The following SPATS2L variants were observed in gnomAD, a reference collection of about 807,000 sequenced individuals.
SPATS2L encodes SPATS2-like protein.
SPATS2L carries 30 observed loss-of-function variants against 59.6 expected under a neutral mutation model. The observed-to-expected ratio is 0.50, with a 90% CI of 0.38 to 0.68. SPATS2L has a LOEUF of 0.68. SPATS2L is among the 30% of genes least tolerant of loss of function. The pLI is 0.00. For missense variants in SPATS2L, 615 were observed against 700.0 expected, an observed-to-expected ratio of 0.88 and a Z score of 1.37; for synonymous variants, 252 against 263.5, an observed-to-expected ratio of 0.96 and a Z score of 0.42.
intron 6 of SPATS2L, among the ~76,000 whole-genome samples, chr2:200,427,996 G>C (rs745986753): frequency 2.0e-5 from 3 of 151,974 alleles, no homozygotes; most frequent in Non-Finnish European, 4.4e-5. Context: ...CACTTGAGCT[G>C]GGGGTCGAGG....
intron 1 of SPATS2L, among the ~76,000 whole-genome samples, chr2:200,324,672 A>G (rs1372121412): frequency 3.3e-5 from 5 of 152,218 alleles, no homozygotes; most frequent in East Asian, 3.8e-4. Flanking sequence ...CTGAAGATGC[A>G]GTGAATTTTT....
chr2:200,331,311 A>G (rs2079935581), intron 2 of SPATS2L, among the ~76,000 whole-genome samples: 1 of 152,202 alleles, frequency 6.6e-6, no homozygotes, highest in East Asian at 1.9e-4. Flanking sequence ...AGTTCTAATG[A>G]CTAATTTGGG....
At chr2:200,476,338 A>G (rs1248195457) in intron 12 of SPATS2L, among the ~76,000 whole-genome samples, 2 of 152,142 alleles carry the variant, frequency 1.3e-5, no homozygotes, top group Non-Finnish European at 2.9e-5. Context: ...TCACCCCTAT[A>G]TTTGTCCAAG....
At chr2:200,429,396 C>T (rs893830611) in intron 6 of SPATS2L, among the ~76,000 whole-genome samples, 1 of 152,124 alleles carries the variant, frequency 6.6e-6, no homozygotes, top group Admixed American at 6.5e-5. Context: ...CTAGGGGAGG[C>T]CCCCAAGCCA....
chr2:200,327,860 GCACA>G (rs3036483), intron 1 of SPATS2L, among the ~76,000 whole-genome samples: 18 of 150,510 alleles, frequency 1.2e-4, no homozygotes, highest in African/African-American at 1.7e-4. Flanking sequence ...GCGTGTGCGG[GCACA>G]CACACACACA....
At chr2:200,395,654 A>G (rs777147618) in intron 3 of SPATS2L, among the ~76,000 whole-genome samples, 2 of 152,310 alleles carry the variant, frequency 1.3e-5, no homozygotes, top group Non-Finnish European at 2.9e-5. Context: ...GATATAAACT[A>G]GAAAGAATCT....
intron 8 of SPATS2L, among the ~76,000 whole-genome samples, chr2:200,458,641 G>A (rs911971684): frequency 7.9e-5 from 12 of 152,042 alleles, no homozygotes; most frequent in African/African-American, 2.4e-4. Flanking sequence ...GAAAACAGAT[G>A]AGAGGGAACC....
At chr2:200,330,283 GA>G (rs1233352494) in intron 2 of SPATS2L, among the ~76,000 whole-genome samples, 1 of 152,238 alleles carries the variant, frequency 6.6e-6, no homozygotes, top group African/African-American at 2.4e-5. Context: ...CCAAATTAAT[GA>G]AGTCTTATTG....
chr2:200,315,856 C>CCAA (rs2079354663), intron 1 of SPATS2L, among the ~76,000 whole-genome samples: 1 of 90,934 alleles, frequency 1.1e-5, no homozygotes, highest in Non-Finnish European at 2.0e-5. Flanking sequence ...ACCAAAAATC[C>CCAA]AAAAAAAAAA....
chr2:200,416,295 C>A, intron 4 of SPATS2L, 84 bp from the exon 5 acceptor site: 8 of 545,730 alleles, frequency 1.5e-5, no homozygotes, highest in South Asian at 5.6e-5. Context: ...AAAAAAGCTG[C>A]TACCAAGATG....
chr2:200,431,089 A>T (rs974443535), intron 6 of SPATS2L, among the ~76,000 whole-genome samples: 8 of 152,282 alleles, frequency 5.3e-5, no homozygotes, highest in African/African-American at 1.9e-4. Flanking sequence ...AACAACCATG[A>T]TTATTTCCTT....
chr2:200,316,492 AG>A (rs964609865), intron 1 of SPATS2L, among the ~76,000 whole-genome samples: 1 of 152,240 alleles, frequency 6.6e-6, no homozygotes, highest in Non-Finnish European at 1.5e-5. Flanking sequence ...GGACCAGTTT[AG>A]GCCCTTTCCA....
At chr2:200,457,012 C>T (rs2085884604) in intron 8 of SPATS2L, among the ~76,000 whole-genome samples, 1 of 152,072 alleles carries the variant, frequency 6.6e-6, no homozygotes, top group Non-Finnish European at 1.5e-5. Context: ...AGTTTTCTGT[C>T]TTCTCTCTTC....
At chr2:200,310,211 C>G (rs1315796030) in intron 1 of SPATS2L, among the ~76,000 whole-genome samples, 6 of 152,136 alleles carry the variant, frequency 3.9e-5, no homozygotes, top group Admixed American at 2.0e-4. Context: ...TTTTTGTATT[C>G]TCTCTAAACT....
In SPATS2L at chr2:200,333,428, G is replaced by T. The variant is rs2080024249; in HGVS notation, c.-23+3948G>T. 3.3e-5 allele frequency among the ~76,000 whole-genome samples: 5 copies of T among 151,688 alleles called. No homozygotes were observed. The South Asian group carries it at 8.3e-4, about 25-fold the overall frequency. The stretch of plus-strand genomic sequence containing the variant: ...GGTTACATATGAGTGTTTGTTACAT[G>T]TGTAGAATATGTAGTGATCAAGTTG... On this transcript the variant is annotated intron_variant, in intron 2 of 12. Transcript: ENST00000409140.
intron 2 of SPATS2L, among the ~76,000 whole-genome samples, chr2:200,377,058 ATTC>A (rs1425833886): frequency 6.6e-6 from 1 of 152,208 alleles, no homozygotes; most frequent in Admixed American, 6.5e-5. Flanking sequence ...ATCTATTTAT[ATTC>A]TTTTATAGCA....
At chr2:200,466,088 G>C (rs185012467) in intron 9 of SPATS2L, among the ~76,000 whole-genome samples, 1 of 152,322 alleles carries the variant, frequency 6.6e-6, no homozygotes, top group East Asian at 1.9e-4. Flanking sequence ...ATGATTTGCA[G>C]GGAATCTTAA....
At chr2:200,449,125 G>A (rs2085266554) in intron 8 of SPATS2L, among the ~76,000 whole-genome samples, 1 of 152,142 alleles carries the variant, frequency 6.6e-6, no homozygotes, top group South Asian at 2.1e-4. Flanking sequence ...TTCTAAATAG[G>A]TGTAGCTCAC....
At chr2:200,340,838 T>C (rs188047728) in intron 2 of SPATS2L, among the ~76,000 whole-genome samples, 7 of 152,350 alleles carry the variant, frequency 4.6e-5, no homozygotes, top group African/African-American at 1.7e-4. Flanking sequence ...GAAGGCACAC[T>C]TGAACTTTTG....
Sources: allele counts gnomAD v4.1 joint callset (sites outside exome capture counted in the v4.1 genomes callset), GRCh38; gene constraint gnomAD v4.1.1; transcripts MANE v1.5; gene names NCBI Gene and HGNC (gene_info 2026-07-23, HGNC 2026-07-21).